The following ZFPM2 variants were observed in gnomAD, a reference collection of about 807,000 sequenced individuals.
The protein encoded by ZFPM2 is zinc finger protein, FOG family member 2, also known as zinc finger protein ZFPM2.
In ZFPM2, 20 loss-of-function variants were observed where a neutral mutation model predicts 98.6. The observed-to-expected ratio is 0.20, with a 90% CI of 0.14 to 0.29. The LOEUF is 0.29. Among genes scored for constraint, ZFPM2 ranks in the 10% least tolerant of loss-of-function variants. ZFPM2 has a pLI of 1.00. For synonymous variants in ZFPM2, 518 were observed against 502.7 expected (o/e 1.03, Z -0.41); for missense variants, 1,310 against 1,388.6 (o/e 0.94, Z 0.90).
intron 1 of ZFPM2, among the ~76,000 whole-genome samples, chr8:105,377,030 A>G (rs967466954): frequency 1.3e-5 from 2 of 152,204 alleles, no homozygotes; most frequent in African/African-American, 4.8e-5. Context: ...TGCTCTAACC[A>G]TGTGGCTCTT....
At chr8:105,683,765 A>T (rs1161821348) in intron 5 of ZFPM2, among the ~76,000 whole-genome samples, 4 of 151,996 alleles carry the variant, frequency 2.6e-5, no homozygotes, top group African/African-American at 7.2e-5. Context: ...TGAATTAGAA[A>T]CTCTTTCTCT....
At chr8:105,626,654 A>G (rs1816661550) in intron 4 of ZFPM2, among the ~76,000 whole-genome samples, 1 of 152,062 alleles carries the variant, frequency 6.6e-6, no homozygotes, top group South Asian at 2.1e-4. Flanking sequence ...ATATAAATGT[A>G]ATGTCTATAG....
intron 2 of ZFPM2, among the ~76,000 whole-genome samples, chr8:105,434,623 G>T (rs950218913): frequency 6.6e-6 from 1 of 152,188 alleles, no homozygotes; most frequent in Non-Finnish European, 1.5e-5. Flanking sequence ...CTGATAAGCA[G>T]TTGTGAACAA....
chr8:105,730,998 A>G (rs1200356748), intron 5 of ZFPM2, among the ~76,000 whole-genome samples: 1 of 151,636 alleles, frequency 6.6e-6, no homozygotes, highest in Non-Finnish European at 1.5e-5. Context: ...TTCTCAGTTC[A>G]ACACTTATCT....
intron 1 of ZFPM2, among the ~76,000 whole-genome samples, chr8:105,406,529 C>T (rs1298608481): frequency 6.6e-6 from 1 of 151,990 alleles, no homozygotes; most frequent in African/African-American, 2.4e-5. Context: ...CATTACCATT[C>T]AGGATAATGG....
chr8:105,741,255 T>A (rs1241114041), intron 5 of ZFPM2, among the ~76,000 whole-genome samples: 3 of 152,074 alleles, frequency 2.0e-5, no homozygotes, highest in Admixed American at 6.6e-5. Flanking sequence ...TAGCAGCGTC[T>A]TTGATGACAC....
chr8:105,365,399 G>A (rs971828445), intron 1 of ZFPM2, among the ~76,000 whole-genome samples: 1 of 152,122 alleles, frequency 6.6e-6, no homozygotes. Flanking sequence ...TGGTAAGCCT[G>A]TCTTGGGGTA....
At chr8:105,351,354 C>T (rs987538438) in intron 1 of ZFPM2, among the ~76,000 whole-genome samples, 60 of 144,750 alleles carry the variant, frequency 4.1e-4, no homozygotes, top group African/African-American at 1.4e-3. Context: ...TGCATTATTT[C>T]GTGTGTGTGT....
intron 5 of ZFPM2, among the ~76,000 whole-genome samples, chr8:105,642,471 T>C (rs1462580481): frequency 6.6e-6 from 1 of 152,176 alleles, no homozygotes; most frequent in Non-Finnish European, 1.5e-5. Flanking sequence ...AACTACATTC[T>C]TACTCTTCTT....
At chr8:105,430,239 C>G (rs1811994096) in intron 2 of ZFPM2, among the ~76,000 whole-genome samples, 1 of 152,140 alleles carries the variant, frequency 6.6e-6, no homozygotes, top group Non-Finnish European at 1.5e-5. Context: ...ACTTTGAATT[C>G]TTTTTCTTAA....
At chr8:105,474,548 TAAAAA>T (rs201006839) in intron 3 of ZFPM2, among the ~76,000 whole-genome samples, 1 of 150,906 alleles carries the variant, frequency 6.6e-6, no homozygotes, top group Non-Finnish European at 1.5e-5. Flanking sequence ...ATTGGTAAGT[TAAAAA>T]AAAATAAGAA....
At chr8:105,758,284 A>T (rs1812652575) in intron 5 of ZFPM2, among the ~76,000 whole-genome samples, 1 of 152,252 alleles carries the variant, frequency 6.6e-6, no homozygotes, top group Admixed American at 6.5e-5. Flanking sequence ...GGACAAGATC[A>T]TGATGTCACT....
intron 4 of ZFPM2, among the ~76,000 whole-genome samples, chr8:105,590,916 A>G (rs1468207176): frequency 2.6e-5 from 4 of 152,240 alleles, no homozygotes; most frequent in Non-Finnish European, 5.9e-5. Context: ...CCATAGTATT[A>G]GTAGTTTGGG....
chr8:105,608,476 A>C (rs1816240125), intron 4 of ZFPM2, among the ~76,000 whole-genome samples: 1 of 152,198 alleles, frequency 6.6e-6, no homozygotes, highest in African/African-American at 2.4e-5. Flanking sequence ...CCAAAAATGT[A>C]ATTCATTAAT....
intron 3 of ZFPM2, among the ~76,000 whole-genome samples, chr8:105,520,091 A>G (rs1814018102): frequency 6.6e-6 from 1 of 152,152 alleles, no homozygotes; most frequent in Non-Finnish European, 1.5e-5. Context: ...ACCAAAGGGA[A>G]CAAAAATAAA....
intron 4 of ZFPM2, among the ~76,000 whole-genome samples, chr8:105,604,485 A>G (rs117283829): frequency 0.032 from 4,858 of 152,164 alleles, 107 homozygotes; most frequent in Non-Finnish European, 0.05. Flanking sequence ...GCTTCCCATC[A>G]CACTTGGAGT....
At chr8:105,700,591 A>T (rs572206770) in intron 5 of ZFPM2, among the ~76,000 whole-genome samples, 7 of 150,336 alleles carry the variant, frequency 4.7e-5, no homozygotes, top group Non-Finnish European at 3.0e-5. Flanking sequence ...TGTTTGTTTG[A>T]TTGTTTGTTT....
At chr8:105,674,504 A>T (rs1817652573) in intron 5 of ZFPM2, among the ~76,000 whole-genome samples, 1 of 152,196 alleles carries the variant, frequency 6.6e-6, no homozygotes, top group East Asian at 1.9e-4. Flanking sequence ...GGTAAAGAGG[A>T]AATCACAATG....
intron 3 of ZFPM2, among the ~76,000 whole-genome samples, chr8:105,515,607 G>C (rs1813902417): frequency 6.6e-6 from 1 of 152,128 alleles, no homozygotes; most frequent in South Asian, 2.1e-4. Context: ...ACAAATCCTA[G>C]TATGAATAAA....
Sources: gnomAD v4.1 joint callset for allele counts (sites outside exome capture counted in the v4.1 genomes callset) on GRCh38, gnomAD v4.1.1 for gene constraint, MANE v1.5 for transcripts, NCBI Gene and HGNC (gene_info 2026-07-23, HGNC 2026-07-21) for gene names.